Variants in DIPK1C observed in about 807,000 individuals in gnomAD.
The protein encoded by DIPK1C is familial non-conventional Alzheimer's dementia.
DIPK1C carries 33 observed loss-of-function variants against 28.0 expected under a neutral mutation model. The observed-to-expected ratio is 1.18, with a 90% CI of 0.89 to 1.58. The LOEUF is 1.58. Among genes scored for constraint, DIPK1C ranks in the 40% most tolerant of loss-of-function variants. The probability of loss-of-function intolerance (pLI) is 0.00; values close to 1 mark genes in which losing one functional copy is unlikely to be tolerated. For missense variants in DIPK1C, 569 were observed against 568.5 expected (o/e 1.00, Z -0.01); for synonymous variants, 255 against 248.8 (o/e 1.02, Z -0.23).
chr18:74,439,057 T>C (rs1362080697), intron 3 of DIPK1C, among the ~76,000 whole-genome samples: 2 of 151,990 alleles, frequency 1.3e-5, no homozygotes, highest in Non-Finnish European at 2.9e-5. Flanking sequence ...TCATTTAACT[T>C]TTAAATTTGC....
chr18:74,442,355 G>A (rs375558069), intron 2 of DIPK1C, among the ~76,000 whole-genome samples: 4 of 151,868 alleles, frequency 2.6e-5, no homozygotes, highest in Admixed American at 2.6e-4. Context: ...TTGAGACGGA[G>A]TCTCACTCTG....
intron 3 of DIPK1C, among the ~76,000 whole-genome samples, chr18:74,440,929 A>G (rs1050713466): frequency 6.6e-6 from 1 of 152,152 alleles, no homozygotes. Context: ...CTGAAAGGGG[A>G]ATTACTCAGT....
At chr18:74,437,301 G>T (rs1986020001) in intron 3 of DIPK1C, among the ~76,000 whole-genome samples, 1 of 152,246 alleles carries the variant, frequency 6.6e-6, no homozygotes, top group Non-Finnish European at 1.5e-5. Context: ...AGAAAAGACT[G>T]CAGGCATAAG....
chr18:74,443,824 G>A (rs917893053), intron 2 of DIPK1C, among the ~76,000 whole-genome samples: 1 of 151,928 alleles, frequency 6.6e-6, no homozygotes, highest in Non-Finnish European at 1.5e-5. Context: ...GGGGCTACAC[G>A]ACTCTTCTAT....
At chr18:74,455,734 AAG>A (rs1491027256) in intron 1 of DIPK1C, among the ~76,000 whole-genome samples, 1 of 129,308 alleles carries the variant, frequency 7.7e-6, no homozygotes, top group African/African-American at 2.9e-5. Flanking sequence ...ATAAAAAAAA[AAG>A]AAAAAGAAAA....
chr18:74,437,023 T>G (rs988633565), intron 3 of DIPK1C, among the ~76,000 whole-genome samples: 2 of 151,986 alleles, frequency 1.3e-5, no homozygotes, highest in African/African-American at 4.8e-5. Flanking sequence ...GTAAAAGGAC[T>G]GGACACATTT....
At chr18:74,443,674 G>A (rs1986194667) in intron 2 of DIPK1C, among the ~76,000 whole-genome samples, 1 of 152,146 alleles carries the variant, frequency 6.6e-6, no homozygotes, top group African/African-American at 2.4e-5. Flanking sequence ...TACTAATTCA[G>A]GTGCTGTAAA....
chr18:74,452,082 G>A (rs1030005208), intron 1 of DIPK1C, among the ~76,000 whole-genome samples: 1 of 152,154 alleles, frequency 6.6e-6, no homozygotes, highest in South Asian at 2.1e-4. Context: ...AAACTGCCTT[G>A]AAAGTGAAAA....
chr18:74,455,737 A>AAAG lies in DIPK1C; in HGVS notation c.198+1324_198+1325insCTT, dbSNP rs1403058591. On this transcript the variant is annotated intron_variant, in intron 1 of 3. Coordinates refer to ENST00000343998, the MANE Select transcript of DIPK1C (RefSeq NM_001044369.3). Reference sequence around the variant, plus strand: ...GAGCAAAACTCCATAAAAAAAAAAGAAAAAGAAAAAGAAAAAAAAAACCAA... The same window carrying AAAG: ...GAGCAAAACTCCATAAAAAAAAAAGAAAGAAAAGAAAAAGAAAAAAAAAACCAA... 1.1e-3 allele frequency among the ~76,000 whole-genome samples: 141 copies of AAAG among 126,372 alleles called. 1 individual carries two copies. The highest frequency in any genetic ancestry group is 3.6e-3 in the African/African-American group (122 of 34,028). The allele number at this position is 126,372 out of a possible 152,430, so 82.9% of individuals were successfully genotyped here.
At chr18:74,455,684 C>T (rs575804017) in intron 1 of DIPK1C, among the ~76,000 whole-genome samples, 2 of 141,288 alleles carry the variant, frequency 1.4e-5, no homozygotes, top group South Asian at 2.3e-4. Context: ...GCCGAGATCA[C>T]GCCATTGCAC....
At chr18:74,462,965 A>G in the DIPK1C span, among the ~76,000 whole-genome samples, 1 of 152,200 alleles carries the variant, frequency 6.6e-6, no homozygotes, top group Non-Finnish European at 1.5e-5. Flanking sequence ...TAGGAATTTT[A>G]GTCCACATTC....
intron 3 of DIPK1C, among the ~76,000 whole-genome samples, chr18:74,440,887 C>T (rs1221330992): frequency 2.6e-5 from 4 of 152,206 alleles, no homozygotes; most frequent in East Asian, 1.9e-4. Context: ...GGGATGGAGA[C>T]GCCTCTGAAA....
intron 1 of DIPK1C, among the ~76,000 whole-genome samples, chr18:74,454,461 C>T (rs528482143): frequency 6.6e-5 from 10 of 152,350 alleles, no homozygotes; most frequent in Middle Eastern, 3.4e-3. Flanking sequence ...ACACTGGCAG[C>T]CCCCGCTACT....
chr18:74,457,860 G>C (rs1233751820), upstream of DIPK1C: 2 of 152,092 alleles, frequency 1.3e-5, no homozygotes, highest in African/African-American at 4.8e-5. Context: ...GTAGGTTCTG[G>C]GACGACCCAG....
At chr18:74,445,120 T>A (rs1986229641) in intron 2 of DIPK1C, among the ~76,000 whole-genome samples, 1 of 152,128 alleles carries the variant, frequency 6.6e-6, no homozygotes, top group Non-Finnish European at 1.5e-5. Context: ...AGTGACTGAG[T>A]GGCGAGAACT....
chr18:74,445,642 A>G (rs1206020450), intron 2 of DIPK1C, among the ~76,000 whole-genome samples: 2 of 152,110 alleles, frequency 1.3e-5, no homozygotes, highest in Non-Finnish European at 2.9e-5. Flanking sequence ...CGACCCCACC[A>G]TGAGCCAGGC....
intron 1 of DIPK1C, among the ~76,000 whole-genome samples, chr18:74,448,196 T>C (rs1986317599): frequency 6.6e-6 from 1 of 152,204 alleles, no homozygotes; most frequent in Non-Finnish European, 1.5e-5. Flanking sequence ...CTTCTCTCTT[T>C]TGTTTTTCAG....
chr18:74,463,842 C>T, the DIPK1C span, among the ~76,000 whole-genome samples: 1 of 152,190 alleles, frequency 6.6e-6, no homozygotes, highest in East Asian at 1.9e-4. Flanking sequence ...GACCTGCTCG[C>T]CTGACACGAA....
intron 2 of DIPK1C, among the ~76,000 whole-genome samples, chr18:74,446,017 G>A (rs1323385553): frequency 2.0e-5 from 3 of 152,324 alleles, no homozygotes; most frequent in East Asian, 1.9e-4. Context: ...CACGTGCCCC[G>A]TGGTGCGGTG....
Sources: gnomAD v4.1 joint callset for allele counts (sites outside exome capture counted in the v4.1 genomes callset) on GRCh38, gnomAD v4.1.1 for gene constraint, MANE v1.5 for transcripts, NCBI Gene and HGNC (gene_info 2026-07-23, HGNC 2026-07-21) for gene names.